Variants in ABCC9 observed in about 807,000 individuals in gnomAD.
The protein encoded by ABCC9 is ATP-binding cassette sub-family C member 9.
A neutral mutation model predicts 188.3 loss-of-function variants in ABCC9; 95 were observed. The observed-to-expected ratio is 0.50, with a 90% CI of 0.43 to 0.60. The LOEUF (loss-of-function observed/expected upper bound fraction) is 0.60, where lower values mean the gene tolerates loss of function less well. Among genes scored for constraint, ABCC9 ranks in the 20% least tolerant of loss-of-function variants. The probability of loss-of-function intolerance (pLI) is 0.00; values close to 1 mark genes in which losing one functional copy is unlikely to be tolerated. For missense variants in ABCC9, 1,102 were observed against 1,876.3 expected, an observed-to-expected ratio of 0.59 and a Z score of 7.62; for synonymous variants, 659 against 652.7, an observed-to-expected ratio of 1.01 and a Z score of -0.15.
chr12:21,801,215 C>T, intron 39 of ABCC9, 34 bp from the exon 40 acceptor site: 1 of 1,612,792 alleles, frequency 6.2e-7, no homozygotes, highest in Non-Finnish European at 8.5e-7. Context: ...ATTTGTTACA[C>T]ATTTCAGGGC....
intron 5 of ABCC9, chr12:21,923,267 G>A (rs1948908591): frequency 1.3e-5 from 2 of 151,130 alleles, no homozygotes; most frequent in African/African-American, 4.9e-5. Context: ...CAGTAACTAA[G>A]GACTAGAAGA....
chr12:21,937,015 A>G (rs965905989), intron 2 of ABCC9, among the ~76,000 whole-genome samples: 3 of 152,190 alleles, frequency 2.0e-5, no homozygotes, highest in Non-Finnish European at 2.9e-5. Context: ...ATGGTCATAT[A>G]TTAAGAAAAA....
chr12:21,820,537 C>T (rs1219103422), intron 31 of ABCC9, among the ~76,000 whole-genome samples: 1 of 151,932 alleles, frequency 6.6e-6, no homozygotes, highest in Non-Finnish European at 1.5e-5. Context: ...TATATAGGCT[C>T]TCATCTATAT....
intron 34 of ABCC9, among the ~76,000 whole-genome samples, 176 bp downstream of exon 34, chr12:21,815,587 C>A (rs985625731): frequency 6.6e-6 from 1 of 152,104 alleles, no homozygotes; most frequent in African/African-American, 2.4e-5. Flanking sequence ...ACTTGGAGAA[C>A]ATGTACTGTA....
At chr12:21,879,112 A>G (rs575575858) in intron 16 of ABCC9, among the ~76,000 whole-genome samples, 2 of 152,340 alleles carry the variant, frequency 1.3e-5, no homozygotes, top group East Asian at 1.9e-4. Context: ...ACAAGATACA[A>G]TGGTGCACTT....
In ABCC9 at chr12:21,818,261, A is replaced by G. The variant is rs1197472593; in HGVS notation, c.3670-10T>C. The G allele has an allele frequency of 6.2e-7, 1 of 1,610,118 alleles. No homozygotes were observed. Among genetic ancestry groups the G allele is most frequent in the South Asian group, 1.1e-5 (1 of 90,998 alleles). On this transcript the variant is annotated splice_polypyrimidine_tract_variant and intron_variant, in intron 31 of 39. Transcript: ENST00000261200. ...AAGCTCCCAGATAATCCTTTGAAAA[A>G]GCAAGAGAAAATGTTAAAAGGTTAC...
At chr12:21,834,955 C>T (rs550853467) in intron 30 of ABCC9, among the ~76,000 whole-genome samples, 7 of 152,082 alleles carry the variant, frequency 4.6e-5, no homozygotes, top group South Asian at 2.1e-4. Context: ...GTTGCCAAGA[C>T]GTAGATCCTC....
intron 32 of ABCC9, 96 bp downstream of exon 32, chr12:21,818,054 C>T (rs753919272): frequency 1.4e-6 from 1 of 736,566 alleles, no homozygotes; most frequent in South Asian, 1.3e-5. Flanking sequence ...ATTCCCCTCT[C>T]TGTGCTCATG....
At chr12:21,883,344 C>A (rs907160942) in intron 15 of ABCC9, among the ~76,000 whole-genome samples, 1 of 152,124 alleles carries the variant, frequency 6.6e-6, no homozygotes, top group African/African-American at 2.4e-5. Context: ...GTGTTGTTCT[C>A]GTGATAGTGA....
In ABCC9 at chr12:21,882,849, G is replaced by C. The variant is rs1295394053; in HGVS notation, c.1936C>G (p.Gln646Glu). Residue 646 changes from glutamine (Q) to glutamate (E), a missense_variant, in exon 16 of 40, where the codon CAG (glutamine) becomes GAG (glutamate). Gln to Glu is a conservative substitution (Grantham distance 29). This residue lies in a region of ABCC9 where 258 missense variants were observed against 325.6 expected (regional missense o/e 0.79). Coordinates refer to ENST00000261200, the MANE Select transcript of ABCC9 (RefSeq NM_020297.4). ...GVQPKTINRK[Q>E]PGRYHLDSYE... is the part of the protein sequence containing the mutation. ...CTGTCCAGGTGATATCTTCCAGGCT[G>C]TTTCCTGTTTATAGTTTTTGGCTGC... 2 of 1,613,844 alleles carry C rather than the reference G, an allele frequency of 1.2e-6. No individual in the cohort carries two copies. The highest frequency in any genetic ancestry group is 1.7e-6 in the Non-Finnish European group (2 of 1,179,888).
chr12:21,914,994 G>A (rs990142529), intron 7 of ABCC9, among the ~76,000 whole-genome samples: 3 of 150,642 alleles, frequency 2.0e-5, no homozygotes, highest in East Asian at 2.0e-4. Context: ...TTCGCCTCCC[G>A]GTTTCAAGCA....
At chr12:21,898,149 C>T (rs1205680659) in intron 12 of ABCC9, among the ~76,000 whole-genome samples, 1 of 152,122 alleles carries the variant, frequency 6.6e-6, no homozygotes. Context: ...TAGAGTGAGA[C>T]CTTGTCTCAA....
intron 25 of ABCC9, among the ~76,000 whole-genome samples, chr12:21,846,327 G>A (rs577419502): frequency 6.6e-6 from 1 of 152,274 alleles, no homozygotes; most frequent in Admixed American, 6.5e-5. Flanking sequence ...AGGATAATGG[G>A]CTAGGAATTC....
intron 34 of ABCC9, 63 bp downstream of exon 34, chr12:21,815,700 T>G: frequency 6.3e-7 from 1 of 1,596,072 alleles, no homozygotes; most frequent in Non-Finnish European, 8.5e-7. Flanking sequence ...GCTTAGGTAG[T>G]AAAAAAGCAG....
rs1477417208 is a variant in ABCC9, at chr12:21,861,059, T to C, written c.2340-4A>G. On this transcript the variant is annotated splice_region_variant and splice_polypyrimidine_tract_variant and intron_variant, in intron 20 of 39. Coordinates refer to ENST00000261200, the MANE Select transcript of ABCC9 (RefSeq NM_020297.4). ...GGCATCTGTGACAGCTTTGTACCTT[T>C]GGGAGAAATGATTTTGAATTTTTAG... 7 of 1,612,074 alleles carry C rather than the reference T, an allele frequency of 4.3e-6. No individual in the cohort carries two copies. The highest frequency in any genetic ancestry group is 2.7e-5 in the African/African-American group (2 of 74,882).
chr12:21,878,795 A>T (rs1946491413), intron 16 of ABCC9, among the ~76,000 whole-genome samples: 1 of 152,176 alleles, frequency 6.6e-6, no homozygotes, highest in South Asian at 2.1e-4. Flanking sequence ...AAGGAACAAC[A>T]TCCATACAAG....
At position 21,852,121 on chromosome 12, in the gene ABCC9, A is replaced by G. The variant is rs1945000104; in HGVS notation, c.2745T>C (p.Asn915=). The change falls in exon 24 of 40, where the codon AAT becomes AAC. Residue 915 remains asparagine (N), a synonymous_variant. Coordinates refer to ENST00000261200, the MANE Select transcript of ABCC9 (RefSeq NM_020297.4). ...CCTTTTCTAATTCTTGATCTTGCCGATTCATAAGTGTTTTCCAGTGTTCAT... is the reference window on the plus strand; with the variant it reads ...CCTTTTCTAATTCTTGATCTTGCCGGTTCATAAGTGTTTTCCAGTGTTCAT... ...ELYEHWKTLM[N]RQDQELEKDM... 6.2e-7 allele frequency: 1 copy of G among 1,613,558 alleles called. No individual in the cohort carries two copies. The highest frequency in any genetic ancestry group is 8.5e-7 in the Non-Finnish European group (1 of 1,179,864).
chr12:21,886,543 A>T (rs1019929737), intron 15 of ABCC9, among the ~76,000 whole-genome samples: 2 of 152,154 alleles, frequency 1.3e-5, no homozygotes, highest in Admixed American at 6.5e-5. Context: ...TTACTGATCT[A>T]CGTGTTTTAC....
chr12:21,875,043 G>T lies in ABCC9; in HGVS notation c.2092+611C>A, dbSNP rs866217294. On this transcript the variant is annotated intron_variant, in intron 17 of 39. Coordinates refer to ENST00000261200, the MANE Select transcript of ABCC9 (RefSeq NM_020297.4). The stretch of plus-strand genomic sequence containing the variant: ...TGTGTACTTTAAAATGTGTCAAGAG[G>T]ATAAGTCTCATGTTAAGTGTTCTTC... Among the ~76,000 whole-genome samples the T allele has an allele frequency of 4.0e-5, 6 of 150,730 alleles. 1 individual carries two copies. The South Asian group carries it at 1.3e-3, about 32-fold the overall frequency.
Sources: allele counts gnomAD v4.1 joint callset (sites outside exome capture counted in the v4.1 genomes callset), GRCh38; gene constraint gnomAD v4.1.1; regional missense constraint gnomAD v4.1.1; transcripts MANE v1.5; gene names NCBI Gene and HGNC (gene_info 2026-07-23, HGNC 2026-07-21).